Variants in GTF3C3 observed in about 807,000 individuals in gnomAD.
GTF3C3 encodes general transcription factor IIIC subunit 3, also known as general transcription factor 3C polypeptide 3.
Under a neutral mutation model 105.2 loss-of-function variants are expected in GTF3C3, and 75 were observed. That is an observed-to-expected ratio of 0.71 (90% CI 0.59 to 0.86). GTF3C3 has a LOEUF of 0.86. Ranked by LOEUF, GTF3C3 falls within the 40% of genes least tolerant of loss-of-function variation. The pLI, the probability that GTF3C3 is intolerant of heterozygous loss-of-function variation, is 0.00. For missense variants in GTF3C3, 856 were observed against 1,076.5 expected, an observed-to-expected ratio of 0.80 and a Z score of 2.87; for synonymous variants, 335 against 370.4, an observed-to-expected ratio of 0.90 and a Z score of 1.10.
At chr2:196,785,355 A>T in intron 7 of GTF3C3, 86 bp downstream of exon 7, 2 of 1,053,102 alleles carry the variant, frequency 1.9e-6, no homozygotes, top group South Asian at 3.7e-5. Flanking sequence ...TAATTTAACT[A>T]AAACGAAGAA....
rs774770042 is a variant in GTF3C3 at position 196,786,146 on chromosome 2, G to C, written c.894-558C>G. On this transcript the variant is annotated intron_variant, in intron 6 of 17. Transcript: ENST00000263956. The surrounding 1 kb of genome is among the most constrained non-coding windows in gnomAD (Gnocchi z 4.2). ...TAGCCTCAAGCAGGTCCATGGTACT[G>C]ATGAGCAGTATTACTACAGTTACCT... is the stretch of plus-strand genomic sequence containing the variant. 2.0e-5 allele frequency among the ~76,000 whole-genome samples: 3 copies of C among 152,142 alleles called. No homozygotes were observed. Among genetic ancestry groups the C allele is most frequent in the Non-Finnish European group, 4.4e-5 (3 of 68,024 alleles).
Position 196,780,849 on chromosome 2 carries a change from C to T in GTF3C3, c.1115-187G>A, listed in dbSNP as rs143330878. The stretch of plus-strand genomic sequence containing the variant: ...TTTGGTAGCAAGTATGCTTCCTATT[C>T]GATTTCTAATACCTTATGTACTTAT... On this transcript the variant is annotated intron_variant, in intron 8 of 17. Transcript: ENST00000263956. 9.3e-4 allele frequency: 531 copies of T among 567,936 alleles called. 1 individual carries two copies. In the East Asian group the frequency reaches 0.01, roughly 11 times the overall value. The allele number at this position is 567,936 out of a possible 1,614,324, so 35.2% of individuals were successfully genotyped here.
chr2:196,781,350 AAAAAAAAATATATAT>A (rs1156423871), intron 8 of GTF3C3, among the ~76,000 whole-genome samples: 3 of 89,952 alleles, frequency 3.3e-5, no homozygotes, highest in Non-Finnish European at 6.8e-5. Flanking sequence ...GGGAAAAAAA[AAAAAAAAATATATAT>A]ATATATATAT....
chr2:196,768,247 C>A (rs1248223723), intron 16 of GTF3C3, among the ~76,000 whole-genome samples: 1 of 78,612 alleles, frequency 1.3e-5, no homozygotes, highest in East Asian at 2.3e-4. Context: ...AAACTCCTGA[C>A]ACCTCAAGTG....
intron 10 of GTF3C3, among the ~76,000 whole-genome samples, chr2:196,777,096 C>T (rs1699272412): frequency 6.6e-6 from 1 of 152,158 alleles, no homozygotes; most frequent in Non-Finnish European, 1.5e-5. Flanking sequence ...CTATTAACAT[C>T]CTACATTTCT....
chr2:196,781,357 A>AAAAAAAAAAAAAAAAAAAAAAT, intron 8 of GTF3C3, among the ~76,000 whole-genome samples: 6 of 18,822 alleles, frequency 3.2e-4, no homozygotes, highest in Non-Finnish European at 4.5e-4. Flanking sequence ...AAAAAAAAAA[A>AAAAAAAAAAAAAAAAAAAAAAT]ATATATATAT....
intron 8 of GTF3C3, among the ~76,000 whole-genome samples, chr2:196,781,599 AT>A (rs1699364211): frequency 6.6e-6 from 1 of 151,568 alleles, no homozygotes; most frequent in African/African-American, 2.4e-5. Flanking sequence ...GTATCCAAGG[AT>A]TTTGGTATGA....
At position 196,796,317 on chromosome 2, in the gene GTF3C3, C is replaced by T. The variant is rs114466356; in HGVS notation, c.214+1480G>A. 8.0e-3 allele frequency among the ~76,000 whole-genome samples: 1,216 copies of T among 152,308 alleles called. 5 individuals are homozygous for T. The highest frequency in any genetic ancestry group is 0.025 in the African/African-American group (1,036 of 41,560). Reference sequence around the variant, plus strand: ...CATCATGAGCCTGAATTGGACTCAGCTCACTCCTTTTTTAGGGCCTGATGG... The same window carrying T: ...CATCATGAGCCTGAATTGGACTCAGTTCACTCCTTTTTTAGGGCCTGATGG... On this transcript the variant is annotated intron_variant, in intron 2 of 17. Transcript: ENST00000263956.
At chr2:196,784,440 A>C (rs895400687) in intron 8 of GTF3C3, among the ~76,000 whole-genome samples, 1 of 152,202 alleles carries the variant, frequency 6.6e-6, no homozygotes, top group African/African-American at 2.4e-5. Context: ...CAAACAATGT[A>C]GGGTAATCAT....
intron 2 of GTF3C3, 82 bp from the exon 3 acceptor site, chr2:196,793,234 T>C: frequency 9.8e-7 from 1 of 1,024,954 alleles, no homozygotes; most frequent in Non-Finnish European, 1.4e-6. Context: ...TAAGTATAAA[T>C]TTTTACCCCA....
chr2:196,771,910 G>A lies in GTF3C3; in HGVS notation c.2098C>T (p.Pro700Ser), dbSNP rs775154920. The change falls in exon 15 of 18, where the codon CCC (proline) becomes TCC (serine). Residue 700 changes from proline (P) to serine (S), a missense_variant. Pro to Ser is a moderately conservative substitution (Grantham distance 74). Transcript: ENST00000263956. ...TGATTGAAAATGTTCCAGAGCTGGG[G>A]TTTATTGACATTTTCCATTACCATT... ...RIMVMENVNK[P>S]QLWNIFNQVT... The A allele has an allele frequency of 1.6e-5, 25 of 1,612,710 alleles. No homozygotes were observed. The East Asian group carries it at 4.9e-4, about 32-fold the overall frequency.
chr2:196,795,633 T>C (rs770636162), intron 2 of GTF3C3, among the ~76,000 whole-genome samples: 1 of 152,192 alleles, frequency 6.6e-6, no homozygotes, highest in Non-Finnish European at 1.5e-5. Context: ...TAACAATTCT[T>C]AGTCAACTAA....
chr2:196,799,371 A>C (rs1699706471), intron 1 of GTF3C3, 139 bp downstream of exon 1: 1 of 651,988 alleles, frequency 1.5e-6, no homozygotes, highest in Non-Finnish European at 2.7e-6. Flanking sequence ...TGAAAACCGG[A>C]GTTTCTGTAA....
At chr2:196,798,007 G>C in intron 1 of GTF3C3, 99 bp from the exon 2 acceptor site, 10 of 726,086 alleles carry the variant, frequency 1.4e-5, no homozygotes. Flanking sequence ...TGCCACTCGG[G>C]CATTTTGTGA....
At chr2:196,799,433 C>A (rs1401957413) in intron 1 of GTF3C3, 77 bp downstream of exon 1, 7 of 1,046,644 alleles carry the variant, frequency 6.7e-6, no homozygotes, top group South Asian at 3.8e-5. Context: ...ACAGTGAAAG[C>A]GGTCGTCTGG....
chr2:196,779,128 A>C, intron 9 of GTF3C3, 61 bp from the exon 10 acceptor site: 5 of 1,240,288 alleles, frequency 4.0e-6, no homozygotes, highest in South Asian at 1.3e-5. Context: ...ATCTATCTAT[A>C]GCTTTTTTTT....
chr2:196,766,495 G>T, intron 17 of GTF3C3, 70 bp downstream of exon 17: 1 of 1,157,278 alleles, frequency 8.6e-7, no homozygotes, highest in Non-Finnish European at 1.2e-6. Context: ...TTTACTGGCT[G>T]GACTTAGCTA....
intron 13 of GTF3C3, 78 bp from the exon 14 acceptor site, chr2:196,773,231 A>G: frequency 1.2e-6 from 1 of 808,498 alleles, no homozygotes; most frequent in Non-Finnish European, 2.0e-6. Flanking sequence ...CACATCATCA[A>G]TTTTAAGACA....
intron 13 of GTF3C3, chr2:196,773,791 T>C: frequency 7.0e-6 from 2 of 286,754 alleles, no homozygotes; most frequent in Non-Finnish European, 7.1e-6. Flanking sequence ...GCGTGCAACC[T>C]AGATCCCTCG....
Sources: gnomAD v4.1 joint callset for allele counts (sites outside exome capture counted in the v4.1 genomes callset) on GRCh38, gnomAD v4.1.1 for gene constraint, Gnocchi (gnomAD v3.1) non-coding constraint, MANE v1.5 for transcripts, NCBI Gene and HGNC (gene_info 2026-07-23, HGNC 2026-07-21) for gene names.